Variants in WDR41 observed in about 807,000 individuals in gnomAD.
WDR41 encodes the protein WD repeat-containing protein 41.
A neutral mutation model predicts 69.3 loss-of-function variants in WDR41; 63 were observed. The ratio of observed to expected loss-of-function variants is 0.91; its 90% CI spans 0.74 to 1.12. WDR41 has a LOEUF of 1.12. WDR41 is among the 50% of genes most tolerant of loss of function. The probability of loss-of-function intolerance (pLI) is 0.00; values close to 1 mark genes in which losing one functional copy is unlikely to be tolerated. For synonymous variants in WDR41, 185 were observed against 192.1 expected (o/e 0.96, Z 0.31); for missense variants, 543 against 534.5 (o/e 1.02, Z -0.16).
chr5:77,464,371 G>A (rs1038045018), intron 3 of WDR41, among the ~76,000 whole-genome samples: 5 of 134,248 alleles, frequency 3.7e-5, no homozygotes, highest in Admixed American at 3.5e-4. Flanking sequence ...TCAGTCTCCC[G>A]AGTAACTGGG....
At chr5:77,488,006 T>A (rs1366678358) in intron 2 of WDR41, among the ~76,000 whole-genome samples, 1 of 152,144 alleles carries the variant, frequency 6.6e-6, no homozygotes, top group African/African-American at 2.4e-5. Flanking sequence ...ATATACATCC[T>A]CTCATTTGGC....
chr5:77,544,961 A>AACAAGC (rs1488789359), intron 1 of WDR41, among the ~76,000 whole-genome samples: 4 of 152,150 alleles, frequency 2.6e-5, no homozygotes, highest in African/African-American at 9.7e-5. Context: ...TCGAAATTGT[A>AACAAGC]ACAAGCACTC....
At chr5:77,611,303 G>C (rs889871563) in intron 1 of WDR41, among the ~76,000 whole-genome samples, 1 of 152,170 alleles carries the variant, frequency 6.6e-6, no homozygotes, top group Non-Finnish European at 1.5e-5. Context: ...GCACCAAGCA[G>C]ATCTAATAGA....
intron 1 of WDR41, among the ~76,000 whole-genome samples, chr5:77,541,077 G>A (rs562089871): frequency 6.6e-6 from 1 of 152,182 alleles, no homozygotes; most frequent in African/African-American, 2.4e-5. Flanking sequence ...AAAATTCTGT[G>A]TATGCACTTC....
At chr5:77,492,132 A>G (rs56348765) in intron 1 of WDR41, 38 bp downstream of exon 1, 38,915 of 1,600,828 alleles carry the variant, frequency 0.024, 556 homozygotes, top group Middle Eastern at 0.057. Flanking sequence ...CCCTCCAGCA[A>G]GCTCGACGGA....
At chr5:77,489,613 A>C in intron 1 of WDR41, 41 bp from the exon 2 acceptor site, 4 of 1,256,302 alleles carry the variant, frequency 3.2e-6, no homozygotes, top group South Asian at 1.3e-5. Flanking sequence ...ACAAAAGACA[A>C]AAAAAGAGAT....
intron 1 of WDR41, among the ~76,000 whole-genome samples, chr5:77,595,184 A>G (rs1744206321): frequency 1.3e-5 from 2 of 152,190 alleles, no homozygotes; most frequent in African/African-American, 2.4e-5. Flanking sequence ...AAGTCTTTAA[A>G]GGTATTTGAA....
intron 1 of WDR41, among the ~76,000 whole-genome samples, chr5:77,526,823 T>A (rs1802456302): frequency 6.6e-6 from 1 of 152,082 alleles, no homozygotes; most frequent in South Asian, 2.1e-4. Context: ...ATTCAATAAA[T>A]CTAGATATTT....
upstream of WDR41, among the ~76,000 whole-genome samples, chr5:77,493,265 AAT>A (rs768364041): frequency 7.9e-5 from 12 of 152,188 alleles, no homozygotes; most frequent in Non-Finnish European, 1.5e-4. Context: ...CAAAAGTATA[AAT>A]ATATATATTT....
At chr5:77,480,815 AAAGTAT>A (rs1022730778) in intron 2 of WDR41, among the ~76,000 whole-genome samples, 10 of 117,194 alleles carry the variant, frequency 8.5e-5, no homozygotes, top group East Asian at 4.9e-4. Context: ...CCTAAAACTT[AAAGTAT>A]AATTAAAAAA....
rs563687084 is a variant in WDR41, at chr5:77,558,110, A to C, written c.42+62369T>G. On this transcript the variant is annotated intron_variant, in intron 1 of 5. Transcript: ENST00000509971. ...TGTTCTTTTTAAAAAAAAAAAAAAAAAAAAAACAAAACAGGAGTAGGTATG... is the reference window on the plus strand; with the variant it reads ...TGTTCTTTTTAAAAAAAAAAAAAAACAAAAAACAAAACAGGAGTAGGTATG... Among the ~76,000 whole-genome samples, 864 of 149,628 alleles carry C rather than the reference A, an allele frequency of 5.8e-3. 17 individuals carry two copies. The highest frequency in any genetic ancestry group is 0.02 in the African/African-American group (816 of 40,562).
chr5:77,617,705 AAAGGG>A (rs1177552462), intron 1 of WDR41, among the ~76,000 whole-genome samples: 2 of 152,230 alleles, frequency 1.3e-5, no homozygotes, highest in East Asian at 3.8e-4. Flanking sequence ...CAAAGGATTG[AAAGGG>A]AACATAACCC....
intron 1 of WDR41, among the ~76,000 whole-genome samples, chr5:77,568,065 A>G (rs915630960): frequency 3.3e-5 from 5 of 152,102 alleles, no homozygotes; most frequent in African/African-American, 1.2e-4. Flanking sequence ...AGACCATGTT[A>G]AAGATCCAAT....
At chr5:77,512,619 G>C (rs551458121) in intron 1 of WDR41, among the ~76,000 whole-genome samples, 1 of 151,486 alleles carries the variant, frequency 6.6e-6, no homozygotes, top group Non-Finnish European at 1.5e-5. Context: ...GGGTGGTGGC[G>C]TGCACCTGTA....
intron 1 of WDR41, among the ~76,000 whole-genome samples, chr5:77,614,621 G>A (rs1207456025): frequency 1.6e-5 from 2 of 125,368 alleles, no homozygotes; most frequent in Non-Finnish European, 3.2e-5. Context: ...ACAGGAAGGG[G>A]AACATCACAC....
At chr5:77,440,733 C>T (rs1799124929) in intron 9 of WDR41, 80 bp downstream of exon 9, 1 of 1,375,482 alleles carries the variant, frequency 7.3e-7, no homozygotes, top group South Asian at 1.3e-5. Flanking sequence ...TTATGTCCAA[C>T]ATGGGATTAA....
intron 1 of WDR41, among the ~76,000 whole-genome samples, chr5:77,543,664 C>G (rs994894431): frequency 6.6e-6 from 1 of 151,916 alleles, no homozygotes. Flanking sequence ...TTATGATAAA[C>G]GACCAAAGCA....
At chr5:77,586,012 A>G (rs1219871284) in intron 1 of WDR41, among the ~76,000 whole-genome samples, 1 of 152,198 alleles carries the variant, frequency 6.6e-6, no homozygotes, top group Non-Finnish European at 1.5e-5. Flanking sequence ...AATATATTGA[A>G]CTTTGAACAA....
intron 1 of WDR41, among the ~76,000 whole-genome samples, chr5:77,523,175 G>T (rs993378906): frequency 1.3e-5 from 2 of 151,838 alleles, no homozygotes; most frequent in South Asian, 4.2e-4. Flanking sequence ...TTAGCTTGGC[G>T]TGATGGTGCA....
Sources: gnomAD v4.1 joint callset for allele counts (sites outside exome capture counted in the v4.1 genomes callset) on GRCh38, gnomAD v4.1.1 for gene constraint, MANE v1.5 for transcripts, NCBI Gene and HGNC (gene_info 2026-07-23, HGNC 2026-07-21) for gene names.